SLC39A11: variants seen among roughly 807,000 people sequenced by gnomAD.
The protein encoded by SLC39A11 is zinc transporter ZIP11.
Under a neutral mutation model 36.1 loss-of-function variants are expected in SLC39A11, and 33 were observed. That is an observed-to-expected ratio of 0.91 (90% confidence interval 0.69 to 1.22). SLC39A11 has a LOEUF of 1.22. SLC39A11 is among the 50% of genes most tolerant of loss of function. The probability of loss-of-function intolerance (pLI) is 0.00; values close to 1 mark genes in which losing one functional copy is unlikely to be tolerated. For synonymous variants in SLC39A11, 166 were observed against 170.3 expected, an observed-to-expected ratio of 0.97 and a Z score of 0.20; for missense variants, 432 against 430.3, an observed-to-expected ratio of 1.00 and a Z score of -0.03.
intron 5 of SLC39A11, among the ~76,000 whole-genome samples, chr17:72,909,684 A>C (rs1312001111): frequency 6.6e-6 from 1 of 151,830 alleles, no homozygotes; most frequent in Non-Finnish European, 1.5e-5. Context: ...CTCACTCACC[A>C]ATCAGGAAAC....
At chr17:73,026,429 C>T (rs945354255) in intron 4 of SLC39A11, among the ~76,000 whole-genome samples, 15 of 148,156 alleles carry the variant, frequency 1.0e-4, no homozygotes, top group African/African-American at 3.0e-4. Flanking sequence ...GCAGGAGAAT[C>T]GCCTGAACCC....
intron 4 of SLC39A11, among the ~76,000 whole-genome samples, chr17:73,020,367 C>G (rs2058300704): frequency 6.6e-6 from 1 of 152,166 alleles, no homozygotes; most frequent in African/African-American, 2.4e-5. Flanking sequence ...CATGTGAGAA[C>G]ACAAGAAGGT....
intron 6 of SLC39A11, among the ~76,000 whole-genome samples, chr17:72,838,759 A>G (rs1267717605): frequency 1.3e-5 from 2 of 152,164 alleles, no homozygotes; most frequent in East Asian, 3.9e-4. Flanking sequence ...AACCATTTAA[A>G]TATGCCACTG....
chr17:72,943,567 C>T (rs1197780042), intron 5 of SLC39A11, among the ~76,000 whole-genome samples: 1 of 152,160 alleles, frequency 6.6e-6, no homozygotes, highest in African/African-American at 2.4e-5. Context: ...GACTTGAGTA[C>T]CCATTCACTT....
At chr17:72,804,066 G>A (rs1176476477) in intron 6 of SLC39A11, among the ~76,000 whole-genome samples, 2 of 152,016 alleles carry the variant, frequency 1.3e-5, no homozygotes, top group South Asian at 2.1e-4. Flanking sequence ...CGTGATCTCC[G>A]CTCACTGCAA....
intron 7 of SLC39A11, among the ~76,000 whole-genome samples, chr17:72,728,800 A>G (rs1230917442): frequency 6.6e-6 from 1 of 151,982 alleles, no homozygotes; most frequent in African/African-American, 2.4e-5. Context: ...GTGTAAATGG[A>G]GTCCTTCTTC....
intron 6 of SLC39A11, among the ~76,000 whole-genome samples, chr17:72,769,473 C>T (rs1458158822): frequency 6.6e-6 from 1 of 152,154 alleles, no homozygotes; most frequent in Non-Finnish European, 1.5e-5. Flanking sequence ...AAGCTGGAAA[C>T]TGCTTAAGAC....
intron 7 of SLC39A11, among the ~76,000 whole-genome samples, chr17:72,735,671 C>T (rs961901215): frequency 3.9e-5 from 6 of 152,204 alleles, no homozygotes; most frequent in Non-Finnish European, 5.9e-5. Flanking sequence ...ACTGTCTCCA[C>T]CCATTTTGAT....
intron 7 of SLC39A11, among the ~76,000 whole-genome samples, chr17:72,667,381 G>A (rs2070803151): frequency 6.6e-6 from 1 of 152,200 alleles, no homozygotes; most frequent in South Asian, 2.1e-4. Flanking sequence ...CGAGAAGCTG[G>A]CAAGAAAAGG....
chr17:72,715,655 G>T (rs1216494152), intron 7 of SLC39A11, among the ~76,000 whole-genome samples: 1 of 152,126 alleles, frequency 6.6e-6, no homozygotes, highest in African/African-American at 2.4e-5. Context: ...TAAGGAATGG[G>T]GAGTTAGTGC....
chr17:72,890,289 A>C (rs944649539), intron 5 of SLC39A11, among the ~76,000 whole-genome samples: 29 of 150,956 alleles, frequency 1.9e-4, no homozygotes, highest in African/African-American at 6.6e-4. Context: ...AACAACAAAA[A>C]AAAAAAAAAC....
intron 4 of SLC39A11, among the ~76,000 whole-genome samples, chr17:73,002,860 T>C (rs2089899039): frequency 6.6e-6 from 1 of 152,182 alleles, no homozygotes; most frequent in Non-Finnish European, 1.5e-5. Context: ...TGTCAGGGCT[T>C]CCTCCCTCCA....
chr17:72,955,855 GA>G (rs1359042949), intron 4 of SLC39A11, among the ~76,000 whole-genome samples: 1 of 152,090 alleles, frequency 6.6e-6, no homozygotes, highest in African/African-American at 2.4e-5. Context: ...CAGAGGGGAA[GA>G]AAAGGCTTAA....
intron 5 of SLC39A11, among the ~76,000 whole-genome samples, chr17:72,898,633 T>C (rs531260671): frequency 2.6e-5 from 4 of 152,338 alleles, no homozygotes; most frequent in African/African-American, 7.2e-5. Context: ...CACATGCATA[T>C]ACACAGTGCA....
intron 5 of SLC39A11, among the ~76,000 whole-genome samples, chr17:72,862,393 T>TCA (rs2080085280): frequency 6.6e-6 from 1 of 152,080 alleles, no homozygotes; most frequent in South Asian, 2.1e-4. Flanking sequence ...CTTAGTGAAA[T>TCA]CAATATGAGG....
intron 4 of SLC39A11, among the ~76,000 whole-genome samples, chr17:72,971,612 G>T (rs1318455891): frequency 6.6e-6 from 1 of 152,150 alleles, no homozygotes; most frequent in African/African-American, 2.4e-5. Flanking sequence ...TTGACTCCCC[G>T]TGAGCAGAGC....
intron 6 of SLC39A11, among the ~76,000 whole-genome samples, chr17:72,773,345 G>A (rs1023237593): frequency 2.0e-5 from 3 of 152,098 alleles, no homozygotes; most frequent in South Asian, 2.1e-4. Context: ...TTGTGGGAGC[G>A]ACCTGGTGGA....
chr17:72,729,834 T>C (rs1034213924), intron 7 of SLC39A11, among the ~76,000 whole-genome samples: 3 of 152,004 alleles, frequency 2.0e-5, no homozygotes, highest in African/African-American at 7.2e-5. Flanking sequence ...TTCTACTGGT[T>C]TCTTGGTCTG....
chr17:72,773,360 A>G (rs2076015221), intron 6 of SLC39A11, among the ~76,000 whole-genome samples: 1 of 152,126 alleles, frequency 6.6e-6, no homozygotes, highest in African/African-American at 2.4e-5. Context: ...GGTGGAAGAT[A>G]ATTGAGTCAT....
Sources: allele counts gnomAD v4.1 joint callset (sites outside exome capture counted in the v4.1 genomes callset), GRCh38; gene constraint gnomAD v4.1.1; transcripts MANE v1.5; gene names NCBI Gene and HGNC (gene_info 2026-07-23, HGNC 2026-07-21).